Variants in CACNA2D3 observed in about 807,000 individuals in gnomAD.
CACNA2D3 encodes voltage-dependent calcium channel subunit alpha-2/delta-3.
Under a neutral mutation model 160.6 loss-of-function variants are expected in CACNA2D3, and 60 were observed. That is an observed-to-expected ratio of 0.37 (90% CI 0.30 to 0.46). The LOEUF (loss-of-function observed/expected upper bound fraction) is 0.46. Ranked by LOEUF, CACNA2D3 falls within the 20% of genes least tolerant of loss-of-function variation. The pLI is 1.00. For synonymous variants in CACNA2D3, 558 were observed against 492.9 expected (o/e 1.13, Z -1.75); for missense variants, 1,205 against 1,365.0 (o/e 0.88, Z 1.85).
chr3:54,293,747 A>C (rs534511716), intron 2 of CACNA2D3, among the ~76,000 whole-genome samples: 1 of 152,290 alleles, frequency 6.6e-6, no homozygotes, highest in South Asian at 2.1e-4. Context: ...GAAGAGGCAG[A>C]TCTGTTAGGA....
intron 4 of CACNA2D3, among the ~76,000 whole-genome samples, chr3:54,401,616 A>T (rs900309541): frequency 2.0e-5 from 3 of 152,184 alleles, no homozygotes; most frequent in African/African-American, 7.2e-5. Flanking sequence ...TACTGAAAGG[A>T]AAAAGAATGT....
At chr3:54,188,123 G>A (rs1700909392) in intron 2 of CACNA2D3, among the ~76,000 whole-genome samples, 1 of 152,150 alleles carries the variant, frequency 6.6e-6, no homozygotes, top group South Asian at 2.1e-4. Context: ...TGGAACATAT[G>A]TACACAGAAC....
At chr3:54,718,294 A>G (rs543887889) in intron 11 of CACNA2D3, among the ~76,000 whole-genome samples, 6 of 152,246 alleles carry the variant, frequency 3.9e-5, no homozygotes, top group African/African-American at 1.4e-4. Flanking sequence ...TTTATATACA[A>G]TTTAAGACAT....
intron 3 of CACNA2D3, among the ~76,000 whole-genome samples, chr3:54,347,664 A>C (rs1276097602): frequency 1.3e-5 from 2 of 152,132 alleles, no homozygotes; most frequent in Non-Finnish European, 2.9e-5. Context: ...TTAAAAAAAA[A>C]AAACAAAAAA....
intron 27 of CACNA2D3, among the ~76,000 whole-genome samples, chr3:54,956,622 C>T (rs1405547477): frequency 2.0e-5 from 3 of 150,426 alleles, no homozygotes; most frequent in Non-Finnish European, 4.4e-5. Context: ...ATCCTACAGA[C>T]CCTGCCTCTT....
chr3:54,986,198 C>T (rs1702608784), intron 30 of CACNA2D3, among the ~76,000 whole-genome samples: 2 of 152,116 alleles, frequency 1.3e-5, no homozygotes, highest in African/African-American at 4.8e-5. Flanking sequence ...GGGGTGAGTC[C>T]TGGAGCAGCC....
intron 27 of CACNA2D3, among the ~76,000 whole-genome samples, chr3:54,934,651 A>G (rs555394971): frequency 6.6e-6 from 1 of 152,338 alleles, no homozygotes; most frequent in Admixed American, 6.5e-5. Context: ...AGACTTAGCC[A>G]GGTTCTGTGT....
At chr3:54,543,400 T>C (rs1345620720) in intron 5 of CACNA2D3, among the ~76,000 whole-genome samples, 1 of 152,214 alleles carries the variant, frequency 6.6e-6, no homozygotes, top group Non-Finnish European at 1.5e-5. Flanking sequence ...GATCATTTGA[T>C]TTTTTTAACA....
At chr3:54,460,775 T>A (rs140983992) in intron 4 of CACNA2D3, among the ~76,000 whole-genome samples, 1 of 152,016 alleles carries the variant, frequency 6.6e-6, no homozygotes, top group Non-Finnish European at 1.5e-5. Context: ...ATTTCCTTGT[T>A]CTGCCTAATT....
intron 27 of CACNA2D3, among the ~76,000 whole-genome samples, chr3:54,946,368 G>A (rs1256881751): frequency 6.6e-6 from 1 of 152,190 alleles, no homozygotes; most frequent in African/African-American, 2.4e-5. Flanking sequence ...TATGCCTTCA[G>A]AGATTTTAGC....
At chr3:54,348,934 G>C (rs1698503402) in intron 3 of CACNA2D3, among the ~76,000 whole-genome samples, 1 of 152,068 alleles carries the variant, frequency 6.6e-6, no homozygotes, top group Non-Finnish European at 1.5e-5. Context: ...CACTATGTTG[G>C]CCAGGCTGGT....
At chr3:54,556,348 A>G (rs186648885) in intron 5 of CACNA2D3, among the ~76,000 whole-genome samples, 20 of 152,202 alleles carry the variant, frequency 1.3e-4, no homozygotes, top group African/African-American at 4.1e-4. Context: ...CCATTTGAAG[A>G]TGGAGGTGGA....
chr3:54,910,530 T>C (rs35603879), intron 27 of CACNA2D3, among the ~76,000 whole-genome samples: 1 of 152,198 alleles, frequency 6.6e-6, no homozygotes, highest in Non-Finnish European at 1.5e-5. Flanking sequence ...CTTTACTTGG[T>C]TCTTAGCTGA....
chr3:54,465,620 C>T (rs1459994453), intron 4 of CACNA2D3, among the ~76,000 whole-genome samples: 2 of 152,152 alleles, frequency 1.3e-5, no homozygotes, highest in African/African-American at 4.8e-5. Flanking sequence ...CATCCAAGTG[C>T]ATACACTCCA....
At chr3:54,970,604 CCCTCTCCTCTGCTCT>C (rs1293557618) in intron 29 of CACNA2D3, among the ~76,000 whole-genome samples, 3 of 126,224 alleles carry the variant, frequency 2.4e-5, no homozygotes, top group Non-Finnish European at 3.4e-5. Context: ...CTCTCCCCTC[CCCTCTCCTCTGCTCT>C]CCTCTCCTCT....
intron 27 of CACNA2D3, chr3:54,918,182 C>G: frequency 3.0e-6 from 1 of 329,924 alleles, no homozygotes; most frequent in Non-Finnish European, 5.6e-6. Flanking sequence ...TTCCCTTTCT[C>G]TGTGTGTGTC....
chr3:54,679,918 A>G (rs985113596), intron 11 of CACNA2D3, among the ~76,000 whole-genome samples: 4 of 152,238 alleles, frequency 2.6e-5, no homozygotes, highest in African/African-American at 9.6e-5. Flanking sequence ...GCTGCAGCAA[A>G]TCGTTTATTG....
At chr3:54,360,385 C>G (rs1698721279) in intron 3 of CACNA2D3, among the ~76,000 whole-genome samples, 1 of 152,202 alleles carries the variant, frequency 6.6e-6, no homozygotes, top group South Asian at 2.1e-4. Flanking sequence ...TCAATTCTGA[C>G]TTGAATTTTT....
intron 2 of CACNA2D3, among the ~76,000 whole-genome samples, chr3:54,287,711 A>T (rs1017473370): frequency 1.4e-5 from 2 of 146,336 alleles, no homozygotes; most frequent in African/African-American, 2.5e-5. Context: ...AAGAACAGAG[A>T]TTATAACAAA....
Sources: allele counts gnomAD v4.1 joint callset (sites outside exome capture counted in the v4.1 genomes callset), GRCh38; gene constraint gnomAD v4.1.1; transcripts MANE v1.5; gene names NCBI Gene and HGNC (gene_info 2026-07-23, HGNC 2026-07-21).